The following NBL1 variants were observed in gnomAD, a reference collection of about 807,000 sequenced individuals.
NBL1 encodes the protein NBL1, DAN family BMP antagonist.
Under a neutral mutation model 16.0 loss-of-function variants are expected in NBL1, and 9 were observed. That is an observed-to-expected ratio of 0.56 (90% CI 0.34 to 0.98). The LOEUF (loss-of-function observed/expected upper bound fraction) is 0.98. NBL1 is among the 50% of genes least tolerant of loss of function. The pLI, the probability that NBL1 is intolerant of heterozygous loss-of-function variation, is 0.02. For synonymous variants in NBL1, 86 were observed against 100.7 expected (o/e 0.85, Z 0.87); for missense variants, 196 against 243.1 (o/e 0.81, Z 1.29).
intron 1 of NBL1, chr1:19,646,081 A>C (rs1160210165): frequency 6.5e-7 from 1 of 1,546,982 alleles, no homozygotes; most frequent in Admixed American, 2.0e-5. Context: ...AGAGGTGGTC[A>C]GGGCTGGAAG....
In NBL1 at chr1:19,657,099, C is replaced by G; in HGVS notation, c.516C>G (p.Pro172=). Residue 172 remains proline, a synonymous_variant, in exon 4 of 4, where the codon CCC becomes CCG. Coordinates refer to ENST00000375136, the MANE Select transcript of NBL1 (RefSeq NM_005380.8). ...AGCCCGAGGACCCCCCTGGGGCCCC[C>G]CACACAGAGGAAGAGGGGGCTGAGG... is the stretch of plus-strand genomic sequence containing the variant. ...TPEPEDPPGA[P]HTEEEGAED is the part of the protein sequence containing the mutation. 2.7e-6 allele frequency: 4 copies of G among 1,492,250 alleles called. No homozygotes were observed. Among genetic ancestry groups the G allele is most frequent in the Non-Finnish European group, 3.6e-6 (4 of 1,108,468 alleles). 92.4% of individuals were successfully genotyped at this position (1,492,250 alleles called of 1,614,324 possible).
intron 1 of NBL1, among the ~76,000 whole-genome samples, chr1:19,647,368 G>A (rs1256841957): frequency 6.6e-6 from 1 of 152,226 alleles, no homozygotes; most frequent in African/African-American, 2.4e-5. Flanking sequence ...TGAGGCTGAT[G>A]TGAGCTATGA....
chr1:19,644,947 G>A lies in NBL1; in HGVS notation c.-20+501G>A, dbSNP rs1373549549. On this transcript the variant is annotated intron_variant, in intron 1 of 3. Transcript: ENST00000375136. This position sits in a 1 kb window ranked among gnomAD's most constrained non-coding sequence, Gnocchi z 4.6. ...CCGCTCACTTTCCCCTGGTCTGCCC[G>A]TCTCTTTCCGTTCCCCGCCTGCCTC... Among the ~76,000 whole-genome samples the A allele has an allele frequency of 6.6e-6, 1 of 152,128 alleles. No homozygotes were observed. Among genetic ancestry groups the A allele is most frequent in the Non-Finnish European group, 1.5e-5 (1 of 68,012 alleles).
upstream of NBL1, chr1:19,643,552 T>G (rs2094960337): frequency 6.9e-7 from 1 of 1,442,584 alleles, no homozygotes; most frequent in Non-Finnish European, 9.1e-7. This position sits in a 1 kb window ranked among gnomAD's most constrained non-coding sequence, Gnocchi z 4.7. Flanking sequence ...AAGTGCCCAC[T>G]GATTAGATAG....
upstream of NBL1, chr1:19,643,674 T>C: frequency 8.2e-7 from 1 of 1,216,740 alleles, no homozygotes; most frequent in Non-Finnish European, 1.0e-6. This position sits in a 1 kb window ranked among gnomAD's most constrained non-coding sequence, Gnocchi z 4.7. Flanking sequence ...CCTGGGGCTT[T>C]TCGGGATGCT....
At chr1:19,652,458 C>T (rs867064195) in intron 1 of NBL1, among the ~76,000 whole-genome samples, 11 of 121,870 alleles carry the variant, frequency 9.0e-5, no homozygotes, top group Non-Finnish European at 1.7e-4. Flanking sequence ...ATTTGGGAGG[C>T]GGCGGGGGGG....
At chr1:19,646,207 TG>T (rs2094979305) in intron 1 of NBL1, among the ~76,000 whole-genome samples, 1 of 152,178 alleles carries the variant, frequency 6.6e-6, no homozygotes, top group Non-Finnish European at 1.5e-5. Flanking sequence ...GCCGTGAGAC[TG>T]GGGTCGTGGA....
chr1:19,650,846 A>C (rs1286544985), intron 1 of NBL1, among the ~76,000 whole-genome samples: 1 of 152,004 alleles, frequency 6.6e-6, no homozygotes, highest in African/African-American at 2.4e-5. Flanking sequence ...AGCCCACCCC[A>C]CCGGTGGGGG....
Position 19,644,777 on chromosome 1 carries a change from C to T in NBL1, c.-20+331C>T, listed in dbSNP as rs969600469. The stretch of plus-strand genomic sequence containing the variant: ...GGAGCGAGGGAGGGAGATGCGTGGC[C>T]GGGCGGGCCGGGCTCGCATGTCCCC... On this transcript the variant is annotated intron_variant, in intron 1 of 3. Coordinates refer to ENST00000375136, the MANE Select transcript of NBL1 (RefSeq NM_005380.8). This position sits in a 1 kb window ranked among gnomAD's most constrained non-coding sequence, Gnocchi z 4.6. Among the ~76,000 whole-genome samples the T allele has an allele frequency of 1.3e-5, 2 of 151,896 alleles. No individual in the cohort carries two copies. Among genetic ancestry groups the T allele is most frequent in the African/African-American group, 4.8e-5 (2 of 41,390 alleles).
intron 1 of NBL1, among the ~76,000 whole-genome samples, chr1:19,649,349 T>C (rs2095007662): frequency 6.6e-6 from 1 of 150,560 alleles, no homozygotes; most frequent in Non-Finnish European, 1.5e-5. Context: ...TGCCATAAAA[T>C]TATTATTATT....
At chr1:19,652,478 C>T (rs576840509) in intron 1 of NBL1, among the ~76,000 whole-genome samples, 1 of 152,246 alleles carries the variant, frequency 6.6e-6, no homozygotes, top group South Asian at 2.1e-4. Flanking sequence ...GCAGCCTGTC[C>T]GACCTCACTT....
intron 1 of NBL1, among the ~76,000 whole-genome samples, chr1:19,646,599 G>A (rs1479139584): frequency 2.0e-5 from 3 of 152,152 alleles, no homozygotes; most frequent in Non-Finnish European, 4.4e-5. Context: ...GACCTGGAGC[G>A]ATCGCCCCGC....
At chr1:19,650,426 G>C (rs981137369) in intron 1 of NBL1, among the ~76,000 whole-genome samples, 2 of 152,162 alleles carry the variant, frequency 1.3e-5, no homozygotes, top group Non-Finnish European at 2.9e-5. Flanking sequence ...TGTCTGAGTG[G>C]GCATAGGGTC....
chr1:19,656,950 T>C lies in NBL1; in HGVS notation c.367T>C (p.Cys123Arg), dbSNP rs758001137. 3.1e-6 allele frequency: 5 copies of C among 1,612,740 alleles called. No homozygotes were observed. The highest frequency in any genetic ancestry group is 4.2e-6 in the Non-Finnish European group (5 of 1,179,566). The change falls in exon 4 of 4, where the codon TGC becomes CGC. Residue 123 changes from cysteine to arginine, a missense_variant. Cys to Arg is a radical substitution (Grantham distance 180). Transcript: ENST00000375136. ...GATCCTGCACTGTAGCTGCCAGGCC[T>C]GCGGCAAGGAGCCTAGTCACGAGGG... Reference protein sequence around the residue: ...EKILHCSCQACGKEPSHEGLS... With the variant: ...EKILHCSCQARGKEPSHEGLS...
intron 1 of NBL1, among the ~76,000 whole-genome samples, chr1:19,648,955 C>G (rs1478240070): frequency 6.6e-6 from 1 of 152,162 alleles, no homozygotes; most frequent in Admixed American, 6.5e-5. Flanking sequence ...GAACTCTGGT[C>G]TGTGGAGCCC....
intron 1 of NBL1, among the ~76,000 whole-genome samples, chr1:19,651,132 A>C (rs1179324032): frequency 6.6e-6 from 1 of 151,750 alleles, no homozygotes; most frequent in African/African-American, 2.4e-5. Flanking sequence ...TGAGAAAGGC[A>C]GTTTCTGAGG....
rs1031283336 is a variant in NBL1 at position 19,644,523 on chromosome 1, G to C, written c.-20+77G>C. 122 of 818,724 alleles carry C rather than the reference G, an allele frequency of 1.5e-4. 1 individual carries two copies. The highest frequency in any genetic ancestry group is 1.8e-4 in the Non-Finnish European group (119 of 679,726). 50.7% of individuals were successfully genotyped at this position (818,724 alleles called of 1,614,324 possible). A position where few individuals can be genotyped will look rare whatever the true frequency, so the allele number is the denominator to read the frequency against. Reference sequence around the variant, plus strand: ...CCGCGGGGGCAGTGCCGCGCCCCCAGCCCGGAGCTGCGTCCCCCGGCGCGT... The same window carrying C: ...CCGCGGGGGCAGTGCCGCGCCCCCACCCCGGAGCTGCGTCCCCCGGCGCGT... On this transcript the variant is annotated intron_variant, in intron 1 of 3. Coordinates refer to ENST00000375136, the MANE Select transcript of NBL1 (RefSeq NM_005380.8). The surrounding 1 kb of genome is among the most constrained non-coding windows in gnomAD (Gnocchi z 4.6).
chr1:19,648,909 A>T (rs2095003421), intron 1 of NBL1, among the ~76,000 whole-genome samples: 1 of 152,150 alleles, frequency 6.6e-6, no homozygotes, highest in Non-Finnish European at 1.5e-5. Flanking sequence ...AGCCATGGCC[A>T]CAAGACGGTT....
At chr1:19,651,297 G>C (rs932070789) in intron 1 of NBL1, among the ~76,000 whole-genome samples, 1 of 152,180 alleles carries the variant, frequency 6.6e-6, no homozygotes, top group African/African-American at 2.4e-5. Flanking sequence ...AGCGCCCTGC[G>C]GAGAGCCTGC....
Sources: allele counts gnomAD v4.1 joint callset (sites outside exome capture counted in the v4.1 genomes callset), GRCh38; gene constraint gnomAD v4.1.1; non-coding constraint Gnocchi (gnomAD v3.1); transcripts MANE v1.5; gene names NCBI Gene and HGNC (gene_info 2026-07-23, HGNC 2026-07-21).